Variants in FAM181B observed in about 807,000 individuals in gnomAD.
FAM181B encodes the protein family with sequence similarity 181 member B.
In FAM181B, 13 loss-of-function variants were observed where a neutral mutation model predicts 17.8. The ratio of observed to expected loss-of-function variants is 0.73; its 90% CI spans 0.48 to 1.16. The LOEUF is 1.16. Among genes scored for constraint, FAM181B ranks in the 50% most tolerant of loss-of-function variants. FAM181B has a pLI of 0.00. For missense variants in FAM181B, 725 were observed against 634.1 expected (o/e 1.14, Z -1.54); for synonymous variants, 338 against 316.5 (o/e 1.07, Z -0.72).
In FAM181B at chr11:82,733,179, C is replaced by T; in HGVS notation, c.551G>A (p.Gly184Asp). The T allele has an allele frequency of 1.5e-6, 2 of 1,367,228 alleles. No homozygotes were observed. The highest frequency in any genetic ancestry group is 9.4e-7 in the Non-Finnish European group (1 of 1,068,990). 84.7% of individuals were successfully genotyped at this position (1,367,228 alleles called of 1,614,324 possible). ...HVPGGAEPAG[G>D]EVAAPAAGLG... ...CCCGGCCGCCGGCGCAGCCACCTCA[C>T]CCCCCGCCGGCTCGGCACCCCCGGG... The change falls in exon 1 of 1, where the codon GGT (glycine) becomes GAT (aspartate). Residue 184 changes from glycine to aspartate, a missense_variant. Physicochemically the swap from Gly to Asp is moderately conservative, Grantham distance 94. Transcript: ENST00000329203.
At position 82,730,263 on chromosome 11, in the gene FAM181B, C is replaced by G. The variant is rs1481602372; in HGVS notation, c.*2186G>C. The G allele has an allele frequency of 2.0e-5, 3 of 152,168 alleles. No homozygotes were observed. Among genetic ancestry groups the G allele is most frequent in the Non-Finnish European group, 2.9e-5 (2 of 68,036 alleles). The allele number at this position is 152,168 out of a possible 1,614,324, so 9.4% of individuals were successfully genotyped here. A position where few individuals can be genotyped will look rare whatever the true frequency, so the allele number is the denominator to read the frequency against. ...TCCAAACAGTATCAAGCACCTACAT[C>G]ATGGCAATATTAAGAGGCTCAGTGA... On this transcript the variant is annotated 3_prime_UTR_variant, in exon 1 of 1. Transcript: ENST00000329203.
chr11:82,732,389 A>G lies in FAM181B; in HGVS notation c.*60T>C, dbSNP rs1591002077. 4.0e-6 allele frequency: 6 copies of G among 1,502,152 alleles called. No homozygotes were observed. Among genetic ancestry groups the G allele is most frequent in the Admixed American group, 2.0e-5 (1 of 50,208 alleles). The allele number at this position is 1,502,152 out of a possible 1,614,324, so 93.1% of individuals were successfully genotyped here. On this transcript the variant is annotated 3_prime_UTR_variant, in exon 1 of 1. Transcript: ENST00000329203. ...CCATCGTTCTTCAGATTTAGGAGAAACCCACGGAGGCGCGGCGCTCTCCAC... is the reference window on the plus strand; with the variant it reads ...CCATCGTTCTTCAGATTTAGGAGAAGCCCACGGAGGCGCGGCGCTCTCCAC...
Position 82,732,519 on chromosome 11 carries a change from T to C in FAM181B, c.1211A>G (p.Tyr404Cys), listed in dbSNP as rs747577266. The change falls in exon 1 of 1, where the codon TAT becomes TGT. Residue 404 changes from tyrosine to cysteine, a missense_variant. Physicochemically the swap from Tyr to Cys is radical, Grantham distance 194. Coordinates refer to ENST00000329203, the MANE Select transcript of FAM181B (RefSeq NM_175885.4). ...DYSAGYSRTAYSSLWRSDGVW... is the reference protein window; with the variant it reads ...DYSAGYSRTACSSLWRSDGVW... ...CCCGTCGGATCTCCAAAGGCTGGAA[T>C]AGGCGGTGCGGCTGTAGCCCGCGCT... 3 of 1,612,788 alleles carry C rather than the reference T, an allele frequency of 1.9e-6. No individual in the cohort carries two copies. Among genetic ancestry groups the C allele is most frequent in the South Asian group, 1.1e-5 (1 of 91,042 alleles).
In FAM181B at chr11:82,731,340, G is replaced by A. The variant is rs1378654781; in HGVS notation, c.*1109C>T. The A allele has an allele frequency of 6.6e-6, 1 of 152,402 alleles. No homozygotes were observed. Among genetic ancestry groups the A allele is most frequent in the Admixed American group, 6.5e-5 (1 of 15,286 alleles). 9.4% of individuals were successfully genotyped at this position (152,402 alleles called of 1,614,324 possible). On this transcript the variant is annotated 3_prime_UTR_variant, in exon 1 of 1. Coordinates refer to ENST00000329203, the MANE Select transcript of FAM181B (RefSeq NM_175885.4). Reference sequence around the variant, plus strand: ...GAAGGGGAGCTGTGGAAGGAGAGAAGGAGGGATGGTAAAGAGGATGTACAG... The same window carrying A: ...GAAGGGGAGCTGTGGAAGGAGAGAAAGAGGGATGGTAAAGAGGATGTACAG...
rs1027393073 is a variant in FAM181B, at chr11:82,731,341, G to A, written c.*1108C>T. 1 of 152,470 alleles carries A rather than the reference G, an allele frequency of 6.6e-6. No homozygotes were observed. The highest frequency in any genetic ancestry group is 1.9e-4 in the East Asian group (1 of 5,208). 9.4% of individuals were successfully genotyped at this position (152,470 alleles called of 1,614,324 possible). The stretch of plus-strand genomic sequence containing the variant: ...AAGGGGAGCTGTGGAAGGAGAGAAG[G>A]AGGGATGGTAAAGAGGATGTACAGC... On this transcript the variant is annotated 3_prime_UTR_variant, in exon 1 of 1. Coordinates refer to ENST00000329203, the MANE Select transcript of FAM181B (RefSeq NM_175885.4).
In FAM181B at chr11:82,732,970, C is replaced by A. The variant is rs764292294; in HGVS notation, c.760G>T (p.Asp254Tyr). The change falls in exon 1 of 1, where the codon GAC (aspartate) becomes TAC (tyrosine). Residue 254 changes from aspartate to tyrosine, a missense_variant. Physicochemically the swap from Asp to Tyr is radical, Grantham distance 160. Transcript: ENST00000329203. ...GPSGPDVSLGDLEKGAEAVEF... is the reference protein window; with the variant it reads ...GPSGPDVSLGYLEKGAEAVEF... ...ACGGCCTCCGCGCCCTTCTCCAGGT[C>A]GCCCAAGCTCACGTCCGGCCCCGAC... 1.3e-5 allele frequency: 20 copies of A among 1,572,870 alleles called. No individual in the cohort carries two copies. Among genetic ancestry groups the A allele is most frequent in the Non-Finnish European group, 1.7e-5 (20 of 1,167,774 alleles).
rs1857151725 is a variant in FAM181B at position 82,732,816 on chromosome 11, G to A, written c.914C>T (p.Pro305Leu). ...TGCCGGCGGCGGCTCAAAGAGGCCG[G>A]GCTCCAGCTCCGGGGGTCCCCGCAG... ...SVLRGPPELE[P>L]GLFEPPPAVV... Residue 305 changes from proline to leucine, a missense_variant, in exon 1 of 1, where the codon CCC becomes CTC. Coordinates refer to ENST00000329203, the MANE Select transcript of FAM181B (RefSeq NM_175885.4). The A allele has an allele frequency of 6.6e-7, 1 of 1,519,222 alleles. No individual in the cohort carries two copies. The highest frequency in any genetic ancestry group is 8.8e-7 in the Non-Finnish European group (1 of 1,132,714). 94.1% of individuals were successfully genotyped at this position (1,519,222 alleles called of 1,614,324 possible).
In FAM181B at chr11:82,733,021, G is replaced by C. The variant is rs771229039; in HGVS notation, c.709C>G (p.Arg237Gly). 4.5e-6 allele frequency: 7 copies of C among 1,543,588 alleles called. No individual in the cohort carries two copies. Among genetic ancestry groups the C allele is most frequent in the East Asian group, 2.5e-5 (1 of 39,796 alleles). Residue 237 changes from arginine (R) to glycine (G), a missense_variant, in exon 1 of 1, where the codon CGG (arginine) becomes GGG (glycine). Arg to Gly is a moderately radical substitution (Grantham distance 125). Coordinates refer to ENST00000329203, the MANE Select transcript of FAM181B (RefSeq NM_175885.4). ...LPPSFFTEPS[R>G]AGGGGCGPSG... The stretch of plus-strand genomic sequence containing the variant: ...GGGCCACACCCGCCGCCGCCTGCCC[G>C]GGACGGCTCCGTGAAGAAGGACGGA...
Position 82,730,446 on chromosome 11 carries a change from T to C in FAM181B, c.*2003A>G, listed in dbSNP as rs1185182534. 6.6e-6 allele frequency: 1 copy of C among 152,248 alleles called. No individual in the cohort carries two copies. Among genetic ancestry groups the C allele is most frequent in the East Asian group, 1.9e-4 (1 of 5,204 alleles). The allele number at this position is 152,248 out of a possible 1,614,324, so 9.4% of individuals were successfully genotyped here. The stretch of plus-strand genomic sequence containing the variant: ...CATTACAATGACACTATAGTCTTAG[T>C]AACAGTCACAGGGTTATTAATGTTT... On this transcript the variant is annotated 3_prime_UTR_variant, in exon 1 of 1. Transcript: ENST00000329203.
rs900510926 is a variant in FAM181B, at chr11:82,733,846, G to C, written c.-117C>G. The C allele has an allele frequency of 4.7e-6, 4 of 850,666 alleles. No individual in the cohort carries two copies. The highest frequency in any genetic ancestry group is 9.6e-5 in the Admixed American group (2 of 20,874). 52.7% of individuals were successfully genotyped at this position (850,666 alleles called of 1,614,324 possible). A position where few individuals can be genotyped will look rare whatever the true frequency, so the allele number is the denominator to read the frequency against. On this transcript the variant is annotated 5_prime_UTR_variant, in exon 1 of 1. Transcript: ENST00000329203. ...GCGCGCGGCGCAGCCTACTAGTTCC[G>C]GGCCTGGCTCGCTGCGCTGCCTCCC...
In FAM181B at chr11:82,732,941, C is replaced by T. The variant is rs773775971; in HGVS notation, c.789G>A (p.Glu263=). 12 of 1,575,372 alleles carry T rather than the reference C, an allele frequency of 7.6e-6. No individual in the cohort carries two copies. Among genetic ancestry groups the T allele is most frequent in the Non-Finnish European group, 9.4e-6 (11 of 1,167,364 alleles). ...GDLEKGAEAV[E]FFELLGPDYG... is the part of the protein sequence containing the mutation. ...AGTCGGGCCCCAGCAGCTCAAAGAA[C>T]TCCACGGCCTCCGCGCCCTTCTCCA... is the stretch of plus-strand genomic sequence containing the variant. The change falls in exon 1 of 1, where the codon GAG becomes GAA. Residue 263 remains glutamate, a synonymous_variant. Coordinates refer to ENST00000329203, the MANE Select transcript of FAM181B (RefSeq NM_175885.4).
rs1313166626 is a variant in FAM181B at position 82,732,075 on chromosome 11, GA to G, written c.*373del. The G allele has an allele frequency of 8.6e-6, 2 of 233,014 alleles. No homozygotes were observed. Among genetic ancestry groups the G allele is most frequent in the East Asian group, 2.4e-4 (2 of 8,266 alleles). The allele number at this position is 233,014 out of a possible 1,614,324, so 14.4% of individuals were successfully genotyped here. A position where few individuals can be genotyped will look rare whatever the true frequency, so the allele number is the denominator to read the frequency against. ...AAGGGAGGGACTAGGACACTGTTTA[GA>G]AGGGGTAATTACACTAAATACACTG... On this transcript the variant is annotated 3_prime_UTR_variant, in exon 1 of 1. Transcript: ENST00000329203.
In FAM181B at chr11:82,733,293, G is replaced by T. The variant is rs1857163556; in HGVS notation, c.437C>A (p.Ala146Asp). 6.5e-6 allele frequency: 8 copies of T among 1,221,416 alleles called. No homozygotes were observed. The highest frequency in any genetic ancestry group is 8.1e-6 in the Non-Finnish European group (8 of 982,650). The allele number at this position is 1,221,416 out of a possible 1,614,324, so 75.7% of individuals were successfully genotyped here. A position where few individuals can be genotyped will look rare whatever the true frequency, so the allele number is the denominator to read the frequency against. Residue 146 changes from alanine (A) to aspartate (D), a missense_variant, in exon 1 of 1, where the codon GCC becomes GAC. Physicochemically the swap from Ala to Asp is moderately radical, Grantham distance 126. Transcript: ENST00000329203. ...GGCCTGCGACGCCTCCCGCCGGGGGGCAGCCTTGCCGTGGGCCGGGGCCGC... is the reference window on the plus strand; with the variant it reads ...GGCCTGCGACGCCTCCCGCCGGGGGTCAGCCTTGCCGTGGGCCGGGGCCGC... ...TVAAPAHGKA[A>D]PRREASQAAA... is the part of the protein sequence containing the mutation.
At position 82,732,856 on chromosome 11, in the gene FAM181B, C is replaced by A; in HGVS notation, c.874G>T (p.Ala292Ser). ...LAAEPLDVFP[A>S]GASVLRGPPE... ...GGTCCCCGCAGTACGGAGGCTCCGG[C>A]GGGGAACACGTCGAGAGGCTCGGCG... Residue 292 changes from alanine to serine, a missense_variant, in exon 1 of 1, where the codon GCC becomes TCC. Physicochemically the swap from Ala to Ser is moderately conservative, Grantham distance 99. Transcript: ENST00000329203. The A allele has an allele frequency of 1.3e-6, 2 of 1,539,586 alleles. No homozygotes were observed. The highest frequency in any genetic ancestry group is 1.7e-6 in the Non-Finnish European group (2 of 1,143,456).
At position 82,733,552 on chromosome 11, in the gene FAM181B, G is replaced by A; in HGVS notation, c.178C>T (p.Arg60Cys). ...CTGAGTAGATCGCGGGTGGCCTCGC[G>A]CACGTCCCCTCCTTCGGCTCCCGAC... ...LLSGAEGGDV[R>C]EATRDLLSFI... Residue 60 changes from arginine (R) to cysteine (C), a missense_variant, in exon 1 of 1, where the codon CGC becomes TGC. Physicochemically the swap from Arg to Cys is radical, Grantham distance 180. Coordinates refer to ENST00000329203, the MANE Select transcript of FAM181B (RefSeq NM_175885.4). 2.5e-6 allele frequency: 4 copies of A among 1,601,738 alleles called. No individual in the cohort carries two copies. Among genetic ancestry groups the A allele is most frequent in the African/African-American group, 1.4e-5 (1 of 73,484 alleles).
rs758807400 is a variant in FAM181B, at chr11:82,733,597, C to T, written c.133G>A (p.Ala45Thr). Residue 45 changes from alanine to threonine, a missense_variant, in exon 1 of 1, where the codon GCT becomes ACT. Transcript: ENST00000329203. ...GCCFEDDETG[A>T]PAGALLSGAE... ...CCCGACAGCAGCGCACCCGCCGGAG[C>T]CCCGGTCTCATCGTCCTCGAAACAG... is the stretch of plus-strand genomic sequence containing the variant. 2.5e-6 allele frequency: 4 copies of T among 1,602,934 alleles called. No homozygotes were observed. The Admixed American group carries it at 6.7e-5, about 27-fold the overall frequency.
chr11:82,733,808 G>C lies in FAM181B; in HGVS notation c.-79C>G, dbSNP rs1272006097. On this transcript the variant is annotated 5_prime_UTR_variant, in exon 1 of 1. Coordinates refer to ENST00000329203, the MANE Select transcript of FAM181B (RefSeq NM_175885.4). Reference sequence around the variant, plus strand: ...TGCCCGCCGCCCAGACCCAGCTCCCGCCCCGGCGCGGCGCGCGCGGCGCAG... The same window carrying C: ...TGCCCGCCGCCCAGACCCAGCTCCCCCCCCGGCGCGGCGCGCGCGGCGCAG... The C allele has an allele frequency of 8.7e-7, 1 of 1,145,290 alleles. No individual in the cohort carries two copies. The highest frequency in any genetic ancestry group is 3.7e-5 in the East Asian group (1 of 26,690). 70.9% of individuals were successfully genotyped at this position (1,145,290 alleles called of 1,614,324 possible).
In FAM181B at chr11:82,732,685, G is replaced by C; in HGVS notation, c.1045C>G (p.Pro349Ala). ...APRGGLTLNE[P>A]LSPLYPAAAD... ...GCGGCGGGGTACAGGGGGCTCAAGG[G>C]CTCGTTCAAGGTCAAGCCGCCGCGG... The change falls in exon 1 of 1, where the codon CCC becomes GCC. Residue 349 changes from proline (P) to alanine (A), a missense_variant. Coordinates refer to ENST00000329203, the MANE Select transcript of FAM181B (RefSeq NM_175885.4). The C allele has an allele frequency of 6.8e-7, 1 of 1,467,768 alleles. No homozygotes were observed. Among genetic ancestry groups the C allele is most frequent in the Non-Finnish European group, 9.0e-7 (1 of 1,109,270 alleles). The allele number at this position is 1,467,768 out of a possible 1,614,324, so 90.9% of individuals were successfully genotyped here. A position where few individuals can be genotyped will look rare whatever the true frequency, so the allele number is the denominator to read the frequency against.
In FAM181B at chr11:82,732,822, AGCTCCGGGGGTCCCCGCAGTACGGAG is replaced by A; in HGVS notation, c.882_907del (p.Ser295GlyfsTer6). The A allele has an allele frequency of 6.6e-7, 1 of 1,522,688 alleles. No homozygotes were observed. Among genetic ancestry groups the A allele is most frequent in the Non-Finnish European group, 8.8e-7 (1 of 1,134,326 alleles). 94.3% of individuals were successfully genotyped at this position (1,522,688 alleles called of 1,614,324 possible). On this transcript the variant is annotated frameshift_variant, in exon 1 of 1. Coordinates refer to ENST00000329203, the MANE Select transcript of FAM181B (RefSeq NM_175885.4). LOFTEE classifies it high-confidence loss of function. ...CGGCGGCTCAAAGAGGCCGGGCTCC[AGCTCCGGGGGTCCCCGCAGTACGGAG>A]GCTCCGGCGGGGAACACGTCGAGAG... is the stretch of plus-strand genomic sequence containing the variant.
Sources: allele counts gnomAD v4.1 joint callset, GRCh38; gene constraint gnomAD v4.1.1; transcripts MANE v1.5; gene names NCBI Gene and HGNC (gene_info 2026-07-23, HGNC 2026-07-21).